Variants in IL3RA observed in about 807,000 individuals in gnomAD.
IL3RA encodes interleukin 3 receptor subunit alpha.
IL3RA carries 73 observed loss-of-function variants against 52.3 expected under a neutral mutation model. The observed-to-expected ratio is 1.40, with a 90% confidence interval of 1.16 to 1.70. IL3RA has a LOEUF of 1.70. Ranked by LOEUF, IL3RA falls within the 40% of genes most tolerant of loss-of-function variation. IL3RA has a pLI of 0.00. For synonymous variants in IL3RA, 260 were observed against 194.0 expected (o/e 1.34, Z -2.83); for missense variants, 664 against 504.4 (o/e 1.32, Z -3.03).
intron 2 of IL3RA, among the ~76,000 whole-genome samples, chrX:1,344,231 C>T (rs1307144668): frequency 6.9e-4 from 105 of 151,896 alleles, no homozygotes; most frequent in African/African-American, 2.0e-3. Flanking sequence ...GTTGGGAGTT[C>T]GAGACCAGCC....
chrX:1,358,737 G>A (rs1389732728), intron 7 of IL3RA, 124 bp from the exon 8 acceptor site: 9 of 915,164 alleles, frequency 9.8e-6, no homozygotes, highest in South Asian at 4.4e-5. Flanking sequence ...ACTGCTGCCC[G>A]AAGGCCTTCC....
At chrX:1,353,606 A>T (rs17884163) in intron 6 of IL3RA, among the ~76,000 whole-genome samples, 33,997 of 51,648 alleles carry the variant, frequency 0.66, 12,674 homozygotes, top group African/African-American at 0.8. Context: ...CCCCCATCAT[A>T]GGTCCCATCA....
intron 7 of IL3RA, among the ~76,000 whole-genome samples, chrX:1,357,412 G>T (rs1448862828): frequency 3.9e-5 from 6 of 151,944 alleles, no homozygotes; most frequent in Non-Finnish European, 5.9e-5. Flanking sequence ...CCAGGCTGGG[G>T]TGCAGTGGCA....
intron 8 of IL3RA, among the ~76,000 whole-genome samples, chrX:1,363,271 T>C (rs1255956441): frequency 6.6e-6 from 1 of 150,758 alleles, no homozygotes; most frequent in South Asian, 2.1e-4. Context: ...CTCATTCTTT[T>C]GTACCCATCA....
At chrX:1,361,988 C>T (rs1167554625) in intron 8 of IL3RA, among the ~76,000 whole-genome samples, 1 of 152,006 alleles carries the variant, frequency 6.6e-6, no homozygotes, top group Non-Finnish European at 1.5e-5. Flanking sequence ...CTCTCTCTGT[C>T]TCTCTGCTTC....
At chrX:1,359,030 C>A (rs189160859) in intron 8 of IL3RA, 143 bp downstream of exon 8, 18 of 627,894 alleles carry the variant, frequency 2.9e-5, no homozygotes, top group South Asian at 2.0e-4. Flanking sequence ...TGTTATTATT[C>A]AATGTTCAGT....
chrX:1,359,804 C>G (rs1489331865), intron 8 of IL3RA, among the ~76,000 whole-genome samples: 1 of 149,442 alleles, frequency 6.7e-6, no homozygotes, highest in African/African-American at 2.5e-5. Context: ...CTCCCTCCCT[C>G]TCTTTCTCTC....
intron 10 of IL3RA, among the ~76,000 whole-genome samples, chrX:1,379,418 A>C (rs1416008380): frequency 6.6e-6 from 1 of 152,092 alleles, no homozygotes; most frequent in Admixed American, 6.6e-5. Flanking sequence ...GGCCTCCCAA[A>C]GTGCTGGGAT....
At chrX:1,380,747 C>G (rs1383814996) in intron 10 of IL3RA, among the ~76,000 whole-genome samples, 9 of 151,106 alleles carry the variant, frequency 6.0e-5, no homozygotes, top group Non-Finnish European at 1.3e-4. Context: ...GTCGTAAACT[C>G]AGTGACCTGA....
chrX:1,381,060 C>A lies in IL3RA; in HGVS notation c.1018C>A (p.His340Asn). The change falls in exon 11 of 12, where the codon CAC becomes AAC. Residue 340 changes from histidine to asparagine, a missense_variant. Transcript: ENST00000331035. ...GCAGAGACTCTTTCCCCGCATCCCT[C>A]ACATGAAAGACCCCATCGGTGACAG... Reference protein sequence around the residue: ...VMQRLFPRIPHMKDPIGDSFQ... With the variant: ...VMQRLFPRIPNMKDPIGDSFQ... The A allele has an allele frequency of 6.2e-7, 1 of 1,613,852 alleles. No homozygotes were observed. Among genetic ancestry groups the A allele is most frequent in the Non-Finnish European group, 8.5e-7 (1 of 1,179,812 alleles).
intron 8 of IL3RA, among the ~76,000 whole-genome samples, chrX:1,361,202 C>CCTGT (rs2087315252): frequency 9.7e-6 from 1 of 103,020 alleles, no homozygotes; most frequent in East Asian, 2.6e-4. Context: ...TCTCCATTCC[C>CCTGT]CTGTCTCTAT....
rs868016152 is a variant in IL3RA, at chrX:1,348,672, T to C, written c.298+127T>C. ...TTTCTTTCTTTCTTTCTTTCTTTCT[T>C]TCTTTCTTTCTTTCTTTCTTTTTCT... is the stretch of plus-strand genomic sequence containing the variant. On this transcript the variant is annotated intron_variant, in intron 4 of 11. Coordinates refer to ENST00000331035, the MANE Select transcript of IL3RA (RefSeq NM_002183.4). 44 of 464,936 alleles carry C rather than the reference T, an allele frequency of 9.5e-5. 1 individual carries two copies. In the African/African-American group the frequency reaches 1.6e-3, roughly 17 times the overall value. 28.8% of individuals were successfully genotyped at this position (464,936 alleles called of 1,614,324 possible).
chrX:1,359,023 T>G, intron 8 of IL3RA, 136 bp downstream of exon 8: 1 of 638,440 alleles, frequency 1.6e-6, no homozygotes, highest in Non-Finnish European at 2.1e-6. Context: ...TAATAAATGT[T>G]ATTATTCAAT....
chrX:1,358,264 C>T (rs762721880), intron 7 of IL3RA, among the ~76,000 whole-genome samples: 1 of 152,110 alleles, frequency 6.6e-6, no homozygotes, highest in Non-Finnish European at 1.5e-5. Context: ...CTGTGGCTAC[C>T]CCTGAGTGCA....
chrX:1,340,175 G>T (rs1363427707), intron 1 of IL3RA, among the ~76,000 whole-genome samples: 16 of 142,530 alleles, frequency 1.1e-4, no homozygotes, highest in Non-Finnish European at 2.2e-4. Context: ...GAGTGCAGTG[G>T]CGCCATCTCG....
At chrX:1,353,943 AC>A (rs762596930) in intron 6 of IL3RA, among the ~76,000 whole-genome samples, 5,487 of 42,462 alleles carry the variant, frequency 0.13, 582 homozygotes, top group Middle Eastern at 0.21. Context: ...GGGTCATGGG[AC>A]CCCCCCCCCC....
rs748444266 is a variant in IL3RA at position 1,352,357 on chromosome X, CG to C, written c.469del (p.Asp157MetfsTer52). The C allele has an allele frequency of 2.0e-5, 32 of 1,613,748 alleles. No homozygotes were observed. Among genetic ancestry groups the C allele is most frequent in the Non-Finnish European group, 2.7e-5 (32 of 1,179,864 alleles). On this transcript the variant is annotated frameshift_variant, in exon 6 of 12. Transcript: ENST00000331035. LOFTEE classifies it high-confidence loss of function. Reference sequence around the variant, plus strand: ...CAGTACGAGTGTCTTCACTACAAAACGGATGCTCAGGGAACACGTATCGGGT... The same window carrying C: ...CAGTACGAGTGTCTTCACTACAAAACGATGCTCAGGGAACACGTATCGGGT... ...RQQYECLHYK[T>X]DAQGTRIGCR...
At chrX:1,338,404 C>T (rs28805957) in intron 1 of IL3RA, among the ~76,000 whole-genome samples, 31,699 of 151,520 alleles carry the variant, frequency 0.21, 3,434 homozygotes, top group Middle Eastern at 0.24. Context: ...TCCAGCCACA[C>T]GGTGGAATAT....
rs758077472 is a variant in IL3RA at position 1,345,864 on chromosome X, C to T, written c.183+430C>T. 2.0e-5 allele frequency among the ~76,000 whole-genome samples: 3 copies of T among 152,142 alleles called. No individual in the cohort carries two copies. The East Asian group carries it at 5.8e-4, about 29-fold the overall frequency. ...CTCAGAACCAATACTGCTCCCATCG[C>T]TGGTGTCATGACTACCTGGTTTCTG... On this transcript the variant is annotated intron_variant, in intron 3 of 11. Coordinates refer to ENST00000331035, the MANE Select transcript of IL3RA (RefSeq NM_002183.4).
Sources: gnomAD v4.1 joint callset for allele counts (sites outside exome capture counted in the v4.1 genomes callset) on GRCh38, gnomAD v4.1.1 for gene constraint, MANE v1.5 for transcripts, NCBI Gene and HGNC (gene_info 2026-07-23, HGNC 2026-07-21) for gene names.